Variants in DAW1 observed in about 807,000 individuals in gnomAD.
DAW1 encodes dynein assembly factor with WD repeat domains 1.
In DAW1, 47 loss-of-function variants were observed where a neutral mutation model predicts 56.5. The ratio of observed to expected loss-of-function variants is 0.83; its 90% CI spans 0.66 to 1.06. DAW1 has a LOEUF of 1.06. Among genes scored for constraint, DAW1 ranks in the 50% least tolerant of loss-of-function variants. The probability of loss-of-function intolerance (pLI) is 0.00; values close to 1 mark genes in which losing one functional copy is unlikely to be tolerated. For missense variants in DAW1, 505 were observed against 499.3 expected (o/e 1.01, Z -0.11); for synonymous variants, 190 against 179.0 (o/e 1.06, Z -0.49).
intron 10 of DAW1, among the ~76,000 whole-genome samples, chr2:227,911,170 G>A (rs1445814881): frequency 7.4e-6 from 1 of 135,038 alleles, no homozygotes; most frequent in South Asian, 2.3e-4. Flanking sequence ...TAAGAATCAT[G>A]TATAGTTATA....
chr2:227,903,340 A>G (rs1016210546), intron 7 of DAW1, among the ~76,000 whole-genome samples: 2 of 152,182 alleles, frequency 1.3e-5, no homozygotes, highest in African/African-American at 4.8e-5. Context: ...CACATAAACT[A>G]TATCTTAGAA....
intron 10 of DAW1, among the ~76,000 whole-genome samples, chr2:227,914,189 G>C (rs1691897400): frequency 6.6e-6 from 1 of 152,026 alleles, no homozygotes; most frequent in South Asian, 2.1e-4. Flanking sequence ...AACAAATATG[G>C]TGCTATACTG....
intron 1 of DAW1, among the ~76,000 whole-genome samples, chr2:227,875,744 C>G (rs992439318): frequency 1.3e-5 from 2 of 152,180 alleles, no homozygotes; most frequent in Admixed American, 1.3e-4. Context: ...CTATCTTAAT[C>G]CAACTCATCA....
At chr2:227,883,201 G>A (rs1017159063) in intron 1 of DAW1, among the ~76,000 whole-genome samples, 7 of 152,214 alleles carry the variant, frequency 4.6e-5, no homozygotes, top group African/African-American at 1.7e-4. Context: ...TTTCTTGCTA[G>A]TGATGTATTT....
chr2:227,897,458 G>A (rs180758848), intron 5 of DAW1, among the ~76,000 whole-genome samples: 56 of 152,320 alleles, frequency 3.7e-4, no homozygotes, highest in African/African-American at 1.3e-3. Flanking sequence ...AATTGAGCTT[G>A]TACTGTAAAT....
chr2:227,896,781 A>T (rs1428476106), intron 5 of DAW1, among the ~76,000 whole-genome samples: 3 of 152,146 alleles, frequency 2.0e-5, no homozygotes, highest in African/African-American at 4.8e-5. Flanking sequence ...TCATGTGGAT[A>T]TAGAGAACAG....
chr2:227,897,026 C>A (rs549764159), intron 5 of DAW1, among the ~76,000 whole-genome samples: 2 of 147,178 alleles, frequency 1.4e-5, no homozygotes, highest in African/African-American at 2.5e-5. Context: ...GTTGAGGTTG[C>A]AGTGAGCTGA....
chr2:227,876,826 G>A (rs572108349), intron 1 of DAW1, among the ~76,000 whole-genome samples: 13 of 152,312 alleles, frequency 8.5e-5, no homozygotes, highest in African/African-American at 2.6e-4. Context: ...TGTTGACTAT[G>A]TGCTTTTCAG....
intron 4 of DAW1, among the ~76,000 whole-genome samples, chr2:227,892,526 A>C (rs529031849): frequency 6.6e-6 from 1 of 152,294 alleles, no homozygotes; most frequent in African/African-American, 2.4e-5. Context: ...TCAACATATA[A>C]ATTTTGAGGG....
intron 10 of DAW1, among the ~76,000 whole-genome samples, chr2:227,911,954 C>T (rs1028351228): frequency 6.6e-6 from 1 of 152,152 alleles, no homozygotes; most frequent in African/African-American, 2.4e-5. Flanking sequence ...CTCTCTGACA[C>T]TTATGCCCCT....
intron 1 of DAW1, among the ~76,000 whole-genome samples, chr2:227,878,257 A>T (rs1690930750): frequency 1.3e-5 from 2 of 152,220 alleles, no homozygotes; most frequent in African/African-American, 4.8e-5. Context: ...CACATAGTAA[A>T]TACCCTCATA....
chr2:227,874,489 C>G (rs181207216), intron 1 of DAW1, among the ~76,000 whole-genome samples: 2 of 152,208 alleles, frequency 1.3e-5, no homozygotes, highest in Admixed American at 1.3e-4. Flanking sequence ...ACTGGCCAAG[C>G]CACAGTCCTT....
chr2:227,896,818 G>T (rs1574657723), intron 5 of DAW1, among the ~76,000 whole-genome samples: 1 of 151,870 alleles, frequency 6.6e-6, no homozygotes, highest in East Asian at 1.9e-4. Flanking sequence ...TATCAGTCAA[G>T]AAACAACAGC....
intron 10 of DAW1, among the ~76,000 whole-genome samples, chr2:227,916,937 A>G (rs766165990): frequency 3.3e-5 from 5 of 152,178 alleles, no homozygotes; most frequent in Non-Finnish European, 7.3e-5. Context: ...TGTCAGCTCC[A>G]TAATTCTGAC....
At chr2:227,910,495 A>ACACACACACACACAC (rs1691788630) in intron 10 of DAW1, among the ~76,000 whole-genome samples, 1 of 145,258 alleles carries the variant, frequency 6.9e-6, no homozygotes, top group Non-Finnish European at 1.5e-5. Context: ...TTTGTGGATG[A>ACACACACACACACAC]ACACACACAC....
intron 10 of DAW1, among the ~76,000 whole-genome samples, chr2:227,918,024 AT>A (rs1185670068): frequency 6.6e-5 from 10 of 152,288 alleles, no homozygotes; most frequent in African/African-American, 2.4e-4. Context: ...TCTAACAAAA[AT>A]TTTACTACTC....
Position 227,871,705 on chromosome 2 carries a change from C to G in DAW1, c.16C>G (p.Leu6Val). The G allele has an allele frequency of 6.2e-7, 1 of 1,613,948 alleles. No homozygotes were observed. The highest frequency in any genetic ancestry group is 8.5e-7 in the Non-Finnish European group (1 of 1,179,924). The change falls in exon 1 of 13, where the codon CTC (leucine) becomes GTC (valine). Residue 6 changes from leucine (L) to valine (V), a missense_variant. Transcript: ENST00000309931. Reference protein sequence around the residue: MKLKSLLLRYYPPGIM... With the variant: MKLKSVLLRYYPPGIM... ...GAGCAAGAAAATGAAGCTCAAGAGC[C>G]TCCTGCTCCGGTATTACCCGCCAGG...
intron 1 of DAW1, among the ~76,000 whole-genome samples, chr2:227,878,868 A>G (rs200002025): frequency 2.0e-5 from 3 of 149,598 alleles, no homozygotes; most frequent in Non-Finnish European, 4.4e-5. Flanking sequence ...ACTCATTGCA[A>G]TGTCTGCCTC....
chr2:227,871,804 A>G (rs1397177383), intron 1 of DAW1, 75 bp downstream of exon 1: 6 of 1,588,392 alleles, frequency 3.8e-6, no homozygotes, highest in Non-Finnish European at 4.3e-6. Flanking sequence ...GGGGCGGAGG[A>G]GGGCGCAGCC....
Sources: gnomAD v4.1 joint callset for allele counts (sites outside exome capture counted in the v4.1 genomes callset) on GRCh38, gnomAD v4.1.1 for gene constraint, MANE v1.5 for transcripts, NCBI Gene and HGNC (gene_info 2026-07-23, HGNC 2026-07-21) for gene names.